The following EPB41 variants were observed in gnomAD, a reference collection of about 807,000 sequenced individuals.
EPB41 encodes the protein erythrocyte membrane protein band 4.1, also known as protein 4.1.
In EPB41, 65 loss-of-function variants were observed where a neutral mutation model predicts 108.0. That is an observed-to-expected ratio of 0.60 (90% CI 0.49 to 0.74). EPB41 has a LOEUF of 0.74. Ranked by LOEUF, EPB41 falls within the 30% of genes least tolerant of loss-of-function variation. EPB41 has a pLI of 0.00. For missense variants in EPB41, 875 were observed against 1,037.0 expected (o/e 0.84, Z 2.15); for synonymous variants, 336 against 358.9 (o/e 0.94, Z 0.72).
chr1:28,896,677 G>A (rs906305664), intron 1 of EPB41, among the ~76,000 whole-genome samples: 1 of 152,212 alleles, frequency 6.6e-6, no homozygotes, highest in African/African-American at 2.4e-5. Flanking sequence ...TGAAGAGACA[G>A]GCTCAAGACA....
At chr1:29,070,677 C>G in intron 16 of EPB41, 1 of 1,231,522 alleles carries the variant, frequency 8.1e-7, no homozygotes, top group Non-Finnish European at 1.0e-6. Flanking sequence ...TTGGCTTCAA[C>G]TGTGTTATTG....
chr1:28,983,306 T>G (rs2762682), intron 1 of EPB41, among the ~76,000 whole-genome samples: 26 of 152,186 alleles, frequency 1.7e-4, no homozygotes, highest in African/African-American at 6.0e-4. Context: ...AAGTATTTCC[T>G]GCTCTTCATA....
chr1:29,002,261 TGA>T (rs1365530532), intron 4 of EPB41, among the ~76,000 whole-genome samples: 3 of 151,982 alleles, frequency 2.0e-5, no homozygotes, highest in African/African-American at 7.3e-5. Context: ...CCAGGAGTTT[TGA>T]GACTAGTGAA....
In EPB41 at chr1:29,053,413, A is replaced by T. The variant is rs755527567; in HGVS notation, c.1845+101A>T. 1.2e-5 allele frequency: 15 copies of T among 1,204,362 alleles called. No individual in the cohort carries two copies. The South Asian group carries it at 1.9e-4, about 15-fold the overall frequency. 74.6% of individuals were successfully genotyped at this position (1,204,362 alleles called of 1,614,324 possible). Reference sequence around the variant, plus strand: ...TCAAAGCAATTGCTTATTCTCATAGACTCAACAAAGTTATTCTTCATTCTT... The same window carrying T: ...TCAAAGCAATTGCTTATTCTCATAGTCTCAACAAAGTTATTCTTCATTCTT... On this transcript the variant is annotated intron_variant, in intron 12 of 20. Coordinates refer to ENST00000343067, the MANE Select transcript of EPB41 (RefSeq NM_001376013.1).
chr1:29,079,881 C>T (rs1418984396), intron 16 of EPB41, among the ~76,000 whole-genome samples: 2 of 151,910 alleles, frequency 1.3e-5, no homozygotes, highest in Non-Finnish European at 2.9e-5. Flanking sequence ...CCTGTAGTTC[C>T]AGCTACTCGG....
At chr1:29,057,467 T>C (rs1645750159) in intron 12 of EPB41, among the ~76,000 whole-genome samples, 1 of 151,974 alleles carries the variant, frequency 6.6e-6, no homozygotes, top group Admixed American at 6.6e-5. Context: ...GTGCTTAACT[T>C]AACACTTGAC....
At chr1:29,112,657 A>G (rs978484920) in intron 19 of EPB41, among the ~76,000 whole-genome samples, 2 of 152,180 alleles carry the variant, frequency 1.3e-5, no homozygotes, top group African/African-American at 4.8e-5. Context: ...TGGAAAGAAC[A>G]TGAGCTTTGG....
chr1:28,906,601 C>T (rs887265512), intron 1 of EPB41, among the ~76,000 whole-genome samples: 1 of 152,074 alleles, frequency 6.6e-6, no homozygotes, highest in Non-Finnish European at 1.5e-5. Flanking sequence ...CAGAAGTAGT[C>T]AGGACAGCCT....
rs1557621503 is a variant in EPB41 at position 28,901,221 on chromosome 1, A to ACG, written c.-8+14012_-8+14013insGC. Among the ~76,000 whole-genome samples, 5 of 119,486 alleles carry ACG rather than the reference A, an allele frequency of 4.2e-5. No individual in the cohort carries two copies. The East Asian group carries it at 1.6e-3, about 38-fold the overall frequency. 78.4% of individuals were successfully genotyped at this position (119,486 alleles called of 152,430 possible). A position where few individuals can be genotyped will look rare whatever the true frequency, so the allele number is the denominator to read the frequency against. ...TGGGATTACAGGCGTGAGCCACTGC[A>ACG]CCCGGCTATTTATTTACTTTTTGAG... On this transcript the variant is annotated intron_variant, in intron 1 of 16. Transcript: ENST00000347529.
At chr1:28,993,603 G>GT (rs2096075746) in intron 3 of EPB41, 61 bp downstream of exon 3, 33 of 1,486,070 alleles carry the variant, frequency 2.2e-5, no homozygotes, top group Non-Finnish European at 3.0e-5. Flanking sequence ...CTAGAGTTGC[G>GT]TAAGTGGTGA....
chr1:28,887,280 A>AC lies in EPB41; in HGVS notation c.-8+75dup, dbSNP rs1187599101. ...GACGGGGTTAGGGACAGAAGAACCT[A>AC]CCCCCAAGGGCTCGGACCGTCCCGG... On this transcript the variant is annotated intron_variant, in intron 1 of 16. Transcript: ENST00000347529. The surrounding 1 kb of genome is among the most constrained non-coding windows in gnomAD (Gnocchi z 4.9). 189 of 1,252,924 alleles carry AC rather than the reference A, an allele frequency of 1.5e-4. No individual in the cohort carries two copies. The highest frequency in any genetic ancestry group is 1.9e-4 in the Non-Finnish European group (184 of 970,436). 77.6% of individuals were successfully genotyped at this position (1,252,924 alleles called of 1,614,324 possible).
intron 11 of EPB41, among the ~76,000 whole-genome samples, chr1:29,046,679 ATTTTC>A (rs1391157411): frequency 2.0e-5 from 3 of 152,066 alleles, no homozygotes; most frequent in African/African-American, 7.2e-5. Flanking sequence ...CTTATATGGT[ATTTTC>A]TTTATCATAT....
intron 1 of EPB41, among the ~76,000 whole-genome samples, chr1:28,949,525 T>C (rs1052019508): frequency 6.6e-6 from 1 of 152,158 alleles, no homozygotes; most frequent in Non-Finnish European, 1.5e-5. Context: ...TTAGTTTTGC[T>C]TGGTTTTGAG....
chr1:29,060,406 CCT>C lies in EPB41; in HGVS notation c.1945-15_1945-14del, dbSNP rs1328405393. 23 of 1,610,026 alleles carry C rather than the reference CCT, an allele frequency of 1.4e-5. No homozygotes were observed. Among genetic ancestry groups the C allele is most frequent in the Non-Finnish European group, 1.9e-5 (22 of 1,176,732 alleles). Reference sequence around the variant, plus strand: ...TTTTTTATGCTTTTCTGTTTTCCCCCCTTTCATTTTCACAGAAAAAGAGAGAA... The same window carrying C: ...TTTTTTATGCTTTTCTGTTTTCCCCCTTCATTTTCACAGAAAAAGAGAGAA... On this transcript the variant is annotated splice_polypyrimidine_tract_variant and intron_variant, in intron 14 of 20. Transcript: ENST00000343067.
intron 16 of EPB41, chr1:29,068,783 G>GTTT: frequency 8.1e-7 from 1 of 1,232,170 alleles, no homozygotes; most frequent in Non-Finnish European, 1.0e-6. Context: ...GTGGGCCAGA[G>GTTT]GTAAAGCTGC....
intron 1 of EPB41, among the ~76,000 whole-genome samples, chr1:28,901,119 T>C (rs376778429): frequency 6.7e-4 from 101 of 151,782 alleles, no homozygotes; most frequent in East Asian, 4.5e-3. Context: ...TTAGTAGAGA[T>C]GGGGTTTCAC....
At chr1:28,926,224 A>T (rs2093437723) in intron 1 of EPB41, among the ~76,000 whole-genome samples, 1 of 152,068 alleles carries the variant, frequency 6.6e-6, no homozygotes, top group Non-Finnish European at 1.5e-5. Flanking sequence ...TCAAGATGAG[A>T]TCTGGGTGGG....
At chr1:29,022,346 T>A (rs2096656276) in intron 7 of EPB41, among the ~76,000 whole-genome samples, 1 of 146,452 alleles carries the variant, frequency 6.8e-6, no homozygotes, top group Admixed American at 6.8e-5. Flanking sequence ...TTGAAAATTA[T>A]CTTTAAGAAA....
chr1:28,954,595 GA>G (rs2094870886), intron 1 of EPB41, among the ~76,000 whole-genome samples: 1 of 152,082 alleles, frequency 6.6e-6, no homozygotes, highest in Non-Finnish European at 1.5e-5. Context: ...TTTTTTTAAG[GA>G]AAGGCTCAAA....
Sources: gnomAD v4.1 joint callset for allele counts (sites outside exome capture counted in the v4.1 genomes callset) on GRCh38, gnomAD v4.1.1 for gene constraint, Gnocchi (gnomAD v3.1) non-coding constraint, MANE v1.5 for transcripts, NCBI Gene and HGNC (gene_info 2026-07-23, HGNC 2026-07-21) for gene names.